Variants in PEBP4 observed in about 807,000 individuals in gnomAD.
PEBP4 encodes the protein phosphatidylethanolamine binding protein 4.
In PEBP4, 22 loss-of-function variants were observed where a neutral mutation model predicts 23.9. The observed-to-expected ratio is 0.92, with a 90% CI of 0.66 to 1.31. The LOEUF is 1.31. PEBP4 is among the 40% of genes most tolerant of loss of function. PEBP4 has a pLI of 0.00. For synonymous variants in PEBP4, 112 were observed against 99.3 expected, an observed-to-expected ratio of 1.13 and a Z score of -0.76; for missense variants, 324 against 281.7, an observed-to-expected ratio of 1.15 and a Z score of -1.07.
Position 22,836,320 on chromosome 8 carries a change from C to T in PEBP4, c.259-18585G>A, listed in dbSNP as rs934328741. ...AAATCATATCGCTTGTCTCCAAATT[C>T]CACTCTCTTCCCCCTGCTCAGAGGG... On this transcript the variant is annotated intron_variant, in intron 3 of 6. Transcript: ENST00000256404. Among the ~76,000 whole-genome samples the T allele has an allele frequency of 6.6e-5, 10 of 152,334 alleles. No homozygotes were observed. The South Asian group carries it at 1.9e-3, about 28-fold the overall frequency.
At chr8:22,718,965 C>A (rs1420187995) in intron 6 of PEBP4, among the ~76,000 whole-genome samples, 1 of 152,172 alleles carries the variant, frequency 6.6e-6, no homozygotes, top group Non-Finnish European at 1.5e-5. Context: ...GGCTCTGCTG[C>A]CCTTGGCCCC....
intron 3 of PEBP4, among the ~76,000 whole-genome samples, chr8:22,860,344 A>G (rs1487662905): frequency 6.6e-6 from 1 of 151,570 alleles, no homozygotes; most frequent in Non-Finnish European, 1.5e-5. Flanking sequence ...AATGCTTTTC[A>G]TTTTGCAAAA....
intron 4 of PEBP4, among the ~76,000 whole-genome samples, chr8:22,743,776 C>T (rs952493091): frequency 6.6e-6 from 1 of 152,246 alleles, no homozygotes; most frequent in Admixed American, 6.5e-5. Context: ...GGCAGCACCA[C>T]GCCCCTTTCC....
chr8:22,867,052 G>A (rs1807918730), intron 3 of PEBP4, among the ~76,000 whole-genome samples: 1 of 152,176 alleles, frequency 6.6e-6, no homozygotes, highest in Admixed American at 6.5e-5. Flanking sequence ...AAAGGGTGCA[G>A]GAGATGAGGC....
intron 3 of PEBP4, among the ~76,000 whole-genome samples, chr8:22,845,840 C>CA (rs1176296670): frequency 6.6e-6 from 1 of 152,252 alleles, no homozygotes; most frequent in African/African-American, 2.4e-5. Context: ...TCTGGACAAG[C>CA]TGCTCAGCTC....
chr8:22,827,858 T>C (rs996158012), intron 3 of PEBP4, among the ~76,000 whole-genome samples: 5 of 152,266 alleles, frequency 3.3e-5, no homozygotes, highest in African/African-American at 1.2e-4. Context: ...CAGAAGGTTC[T>C]AGTTTCTCCA....
At chr8:22,783,140 G>A (rs1805961221) in intron 4 of PEBP4, among the ~76,000 whole-genome samples, 1 of 152,238 alleles carries the variant, frequency 6.6e-6, no homozygotes, top group South Asian at 2.1e-4. Flanking sequence ...CTGGGAGAGG[G>A]TTGGGGCAAC....
chr8:22,890,588 A>T (rs1218623655), intron 3 of PEBP4, among the ~76,000 whole-genome samples: 1 of 152,234 alleles, frequency 6.6e-6, no homozygotes, highest in Non-Finnish European at 1.5e-5. Flanking sequence ...TCATAGTGGC[A>T]CTTGCCACAT....
intron 3 of PEBP4, among the ~76,000 whole-genome samples, chr8:22,905,770 C>T (rs569706095): frequency 9.9e-5 from 15 of 152,274 alleles, no homozygotes; most frequent in African/African-American, 2.6e-4. Context: ...TTCCTCTCCA[C>T]GGGGCCCTGG....
intron 3 of PEBP4, among the ~76,000 whole-genome samples, chr8:22,867,343 CG>C (rs905116996): frequency 6.6e-6 from 1 of 152,126 alleles, no homozygotes; most frequent in Non-Finnish European, 1.5e-5. Flanking sequence ...TTTCATTAAT[CG>C]GGCCCGCTTC....
chr8:22,759,372 A>G (rs1344528533), intron 4 of PEBP4, among the ~76,000 whole-genome samples: 3 of 151,464 alleles, frequency 2.0e-5, no homozygotes, highest in Non-Finnish European at 4.4e-5. Flanking sequence ...TTTTTCCTCA[A>G]CAAAGGGTGG....
Position 22,927,566 on chromosome 8 carries a change from A to T in PEBP4, c.131+18T>A, listed in dbSNP as rs1809371066. 3 of 1,602,822 alleles carry T rather than the reference A, an allele frequency of 1.9e-6. No individual in the cohort carries two copies. In the South Asian group the frequency reaches 3.3e-5, roughly 18 times the overall value. ...GGTAGCCTCTGTGCCTCCCGCCTCC[A>T]AGCCTGCCCTGACTTACTGGCAAAA... On this transcript the variant is annotated intron_variant, in intron 2 of 6. Transcript: ENST00000256404.
chr8:22,766,685 G>A (rs1192166830), intron 4 of PEBP4, among the ~76,000 whole-genome samples: 2 of 152,224 alleles, frequency 1.3e-5, no homozygotes, highest in East Asian at 1.9e-4. Context: ...AGCAGCACCC[G>A]GGGCGGCGGT....
chr8:22,805,811 G>C (rs944347317), intron 4 of PEBP4, among the ~76,000 whole-genome samples: 2 of 151,998 alleles, frequency 1.3e-5, no homozygotes, highest in African/African-American at 4.8e-5. Flanking sequence ...AAAGGGATTT[G>C]ATTGCATAAA....
chr8:22,925,054 G>T (rs1809295195), intron 2 of PEBP4: 1 of 985,250 alleles, frequency 1.0e-6, no homozygotes, highest in Non-Finnish European at 1.2e-6. Flanking sequence ...GGGATCTTGA[G>T]GAGGGGTCAG....
chr8:22,769,552 C>T (rs778158682), intron 4 of PEBP4, among the ~76,000 whole-genome samples: 5 of 152,276 alleles, frequency 3.3e-5, no homozygotes, highest in Admixed American at 6.5e-5. Flanking sequence ...CGTGGATGCT[C>T]TCCCATGTCT....
chr8:22,872,082 C>T (rs766866487), intron 3 of PEBP4, among the ~76,000 whole-genome samples: 7 of 152,174 alleles, frequency 4.6e-5, no homozygotes, highest in Non-Finnish European at 8.8e-5. Context: ...TTAGCTCCAT[C>T]CAAGTTGCTG....
chr8:22,914,563 T>C (rs997674853), intron 3 of PEBP4, among the ~76,000 whole-genome samples: 1 of 152,202 alleles, frequency 6.6e-6, no homozygotes, highest in Admixed American at 6.6e-5. Flanking sequence ...GGTAAGGCAG[T>C]GCGTGCGTTT....
At chr8:22,843,238 C>T (rs540812927) in intron 3 of PEBP4, among the ~76,000 whole-genome samples, 1 of 152,240 alleles carries the variant, frequency 6.6e-6, no homozygotes, top group Non-Finnish European at 1.5e-5. Context: ...GCTGGGATTA[C>T]AGGTGTAAGC....
Sources: gnomAD v4.1 joint callset for allele counts (sites outside exome capture counted in the v4.1 genomes callset) on GRCh38, gnomAD v4.1.1 for gene constraint, MANE v1.5 for transcripts, NCBI Gene and HGNC (gene_info 2026-07-23, HGNC 2026-07-21) for gene names.